The following DNAH11 variants were observed in gnomAD, a reference collection of about 807,000 sequenced individuals.
The protein encoded by DNAH11 is axonemal beta dynein heavy chain 11.
In DNAH11, 442 loss-of-function variants were observed where a neutral mutation model predicts 526.0. The observed-to-expected ratio is 0.84, with a 90% CI of 0.78 to 0.91. The LOEUF is 0.91. Among genes scored for constraint, DNAH11 ranks in the 40% least tolerant of loss-of-function variants. The probability of loss-of-function intolerance (pLI) is 0.00; values close to 1 mark genes in which losing one functional copy is unlikely to be tolerated. For synonymous variants in DNAH11, 2,461 were observed against 1,935.9 expected (o/e 1.27, Z -7.12); for missense variants, 6,989 against 5,448.7 (o/e 1.28, Z -8.90).
At chr7:21,676,862 T>A (rs1782912384) in intron 30 of DNAH11, among the ~76,000 whole-genome samples, 1 of 152,168 alleles carries the variant, frequency 6.6e-6, no homozygotes, top group South Asian at 2.1e-4. Flanking sequence ...CCTAAATATC[T>A]CTTTTCTCAC....
At chr7:21,586,876 G>A (rs1369026164) in intron 9 of DNAH11, among the ~76,000 whole-genome samples, 1 of 152,200 alleles carries the variant, frequency 6.6e-6, no homozygotes, top group African/African-American at 2.4e-5. Flanking sequence ...TGGCGTATTA[G>A]CTGATGAGAA....
intron 18 of DNAH11, among the ~76,000 whole-genome samples, chr7:21,602,201 A>G (rs766626185): frequency 1.3e-5 from 2 of 152,038 alleles, no homozygotes; most frequent in East Asian, 1.9e-4. Context: ...TTAGCTGGGC[A>G]TGGTGGCACG....
chr7:21,718,892 A>G (rs531382968), intron 43 of DNAH11, among the ~76,000 whole-genome samples: 2 of 152,236 alleles, frequency 1.3e-5, no homozygotes, highest in African/African-American at 2.4e-5. Flanking sequence ...TAAATAAACG[A>G]TAGTCTTCAA....
intron 30 of DNAH11, among the ~76,000 whole-genome samples, chr7:21,679,848 C>T (rs1783065368): frequency 6.6e-6 from 1 of 152,142 alleles, no homozygotes; most frequent in Admixed American, 6.5e-5. Flanking sequence ...AGTTCGGATA[C>T]AGATTATCTT....
At chr7:21,811,051 G>A (rs988231891) in intron 63 of DNAH11, among the ~76,000 whole-genome samples, 6 of 152,224 alleles carry the variant, frequency 3.9e-5, no homozygotes, top group Admixed American at 6.5e-5. Flanking sequence ...TGGACAGAAC[G>A]GATTTTTAAA....
In DNAH11 at chr7:21,603,811, T is replaced by C. The variant is rs937019710; in HGVS notation, c.3648+2193T>C. Among the ~76,000 whole-genome samples the C allele has an allele frequency of 2.6e-5, 4 of 152,282 alleles. No individual in the cohort carries two copies. The East Asian group carries it at 7.7e-4, about 29-fold the overall frequency. The stretch of plus-strand genomic sequence containing the variant: ...ATGTTGAACCTTAAACTATATCTCA[T>C]AGAGAAAGTAGTCATAATAAGTAAT... On this transcript the variant is annotated intron_variant, in intron 18 of 81. Transcript: ENST00000409508.
At chr7:21,894,287 A>C (rs895450013) in intron 77 of DNAH11, among the ~76,000 whole-genome samples, 1 of 152,158 alleles carries the variant, frequency 6.6e-6, no homozygotes, top group Non-Finnish European at 1.5e-5. Flanking sequence ...TCATATCTTT[A>C]CATATAAATA....
chr7:21,901,232 T>TGGCTCTGCTTCTAGAA lies in DNAH11; in HGVS notation c.13531_13546dup (p.Ala4516GlyfsTer9). On this transcript the variant is annotated frameshift_variant, in exon 82 of 82. Transcript: ENST00000409508. LOFTEE classifies it high-confidence loss of function. Reference sequence around the variant, plus strand: ...ACTGCAAAATGGGTTCTGGCTGGAGTGGCTCTGCTTCTAGAAGCGTAAGGT... The same window carrying TGGCTCTGCTTCTAGAA: ...ACTGCAAAATGGGTTCTGGCTGGAGTGGCTCTGCTTCTAGAAGGCTCTGCTTCTAGAAGCGTAAGGT... 1 of 1,608,794 alleles carries TGGCTCTGCTTCTAGAA rather than the reference T, an allele frequency of 6.2e-7. No homozygotes were observed. The highest frequency in any genetic ancestry group is 1.1e-5 in the South Asian group (1 of 90,346).
At chr7:21,855,545 A>G (rs1217727531) in intron 68 of DNAH11, among the ~76,000 whole-genome samples, 1 of 152,198 alleles carries the variant, frequency 6.6e-6, no homozygotes, top group Non-Finnish European at 1.5e-5. Flanking sequence ...CCCCATTTAA[A>G]AAATAAGGAT....
chr7:21,750,502 A>G (rs1343816179), intron 54 of DNAH11, 138 bp downstream of exon 54: 1 of 1,161,234 alleles, frequency 8.6e-7, no homozygotes, highest in Non-Finnish European at 1.2e-6. Flanking sequence ...ACACGCCTGT[A>G]TCTGGAGCGT....
intron 66 of DNAH11, among the ~76,000 whole-genome samples, chr7:21,846,296 C>A (rs1157910090): frequency 6.6e-6 from 1 of 152,122 alleles, no homozygotes; most frequent in African/African-American, 2.4e-5. Context: ...TTGCCTCGTT[C>A]CTGATCTTAG....
chr7:21,900,916 G>A, intron 81 of DNAH11, 91 bp from the exon 82 acceptor site: 2 of 1,463,298 alleles, frequency 1.4e-6, no homozygotes, highest in East Asian at 4.7e-5. Flanking sequence ...AAACCAGAAT[G>A]TTGAATGTTT....
Position 21,635,903 on chromosome 7 carries a change from T to C in DNAH11, c.4533T>C (p.Tyr1511=), listed in dbSNP as rs748017839. ...TGCAGACTCTTCTTCAAAGCAAGTATGTAGAATATTTCATTGAGCAAGTGT... is the reference window on the plus strand; with the variant it reads ...TGCAGACTCTTCTTCAAAGCAAGTACGTAGAATATTTCATTGAGCAAGTGT... ...VQLQTLLQSK[Y]VEYFIEQVLS... Residue 1511 remains tyrosine, a synonymous_variant, in exon 26 of 82, where the codon TAT becomes TAC. Coordinates refer to ENST00000409508, the MANE Select transcript of DNAH11 (RefSeq NM_001277115.2). 6.2e-7 allele frequency: 1 copy of C among 1,612,902 alleles called. No individual in the cohort carries two copies. Among genetic ancestry groups the C allele is most frequent in the South Asian group, 1.1e-5 (1 of 90,762 alleles).
intron 65 of DNAH11, among the ~76,000 whole-genome samples, chr7:21,838,796 C>T (rs1028681239): frequency 2.6e-5 from 4 of 151,862 alleles, no homozygotes; most frequent in African/African-American, 9.7e-5. Flanking sequence ...GTGGCCTGAT[C>T]ACAGCTCACG....
chr7:21,613,445 A>G (rs1285225216), intron 20 of DNAH11, among the ~76,000 whole-genome samples: 2 of 152,208 alleles, frequency 1.3e-5, no homozygotes, highest in African/African-American at 2.4e-5. Flanking sequence ...TTTTATGTGT[A>G]TAAAATGTTT....
chr7:21,562,351 C>G (rs778377021), intron 5 of DNAH11, among the ~76,000 whole-genome samples: 3 of 152,162 alleles, frequency 2.0e-5, no homozygotes, highest in Non-Finnish European at 4.4e-5. Flanking sequence ...GGCAAGATTT[C>G]TCCTGGTTGA....
chr7:21,730,569 C>T (rs2128487331), intron 45 of DNAH11, among the ~76,000 whole-genome samples: 1 of 152,246 alleles, frequency 6.6e-6, no homozygotes, highest in East Asian at 1.9e-4. Flanking sequence ...ACCTGGAGGA[C>T]ATTAAGTAAA....
At chr7:21,861,658 A>G (rs1783067849) in intron 68 of DNAH11, among the ~76,000 whole-genome samples, 195 bp from the exon 69 acceptor site, 1 of 152,260 alleles carries the variant, frequency 6.6e-6, no homozygotes, top group Non-Finnish European at 1.5e-5. Flanking sequence ...TCATGGAATC[A>G]TATTCATAAT....
At chr7:21,606,615 CTTTTTTTTTT>C (rs372802563) in intron 19 of DNAH11, 22 bp from the exon 20 acceptor site, 27 of 1,195,590 alleles carry the variant, frequency 2.3e-5, no homozygotes, top group Middle Eastern at 2.1e-4. Context: ...TTGAAATTCA[CTTTTTTTTTT>C]TTTTTTTTTT....
Sources: gnomAD v4.1 joint callset for allele counts (sites outside exome capture counted in the v4.1 genomes callset) on GRCh38, gnomAD v4.1.1 for gene constraint, MANE v1.5 for transcripts, NCBI Gene and HGNC (gene_info 2026-07-23, HGNC 2026-07-21) for gene names.